The following LDHAL6A variants were observed in gnomAD, a reference collection of about 807,000 sequenced individuals.
The protein encoded by LDHAL6A is L-lactate dehydrogenase A-like 6A.
In LDHAL6A, 19 loss-of-function variants were observed where a neutral mutation model predicts 28.2. The ratio of observed to expected loss-of-function variants is 0.67; its 90% CI spans 0.47 to 0.99. The LOEUF (loss-of-function observed/expected upper bound fraction) is 0.99, where lower values mean the gene tolerates loss of function less well. Among genes scored for constraint, LDHAL6A ranks in the 50% least tolerant of loss-of-function variants. The pLI is 0.00. For missense variants in LDHAL6A, 372 were observed against 398.6 expected (o/e 0.93, Z 0.57); for synonymous variants, 144 against 134.4 (o/e 1.07, Z -0.49).
At chr11:18,468,355 T>G (rs1414728058) in intron 3 of LDHAL6A, 1 of 151,902 alleles carries the variant, frequency 6.6e-6, no homozygotes, top group East Asian at 1.9e-4. Context: ...TTTTCTTTTT[T>G]TGAGATGGAG....
chr11:18,464,887 T>C (rs1169527531), intron 2 of LDHAL6A, among the ~76,000 whole-genome samples: 1 of 152,058 alleles, frequency 6.6e-6, no homozygotes, highest in African/African-American at 2.4e-5. Flanking sequence ...ACCACATCTA[T>C]CTCTAAATAT....
intron 1 of LDHAL6A, among the ~76,000 whole-genome samples, chr11:18,463,689 G>T (rs185699458): frequency 5.3e-5 from 8 of 152,270 alleles, no homozygotes; most frequent in Non-Finnish European, 7.4e-5. Flanking sequence ...ATTGAAAATC[G>T]GGGTGTTCAC....
Position 18,466,956 on chromosome 11 carries a change from T to C in LDHAL6A, c.418+1146T>C, listed in dbSNP as rs554995611. Among the ~76,000 whole-genome samples the C allele has an allele frequency of 3.9e-5, 6 of 152,278 alleles. No individual in the cohort carries two copies. In the South Asian group the frequency reaches 1.2e-3, roughly 32 times the overall value. On this transcript the variant is annotated intron_variant, in intron 3 of 6. Coordinates refer to ENST00000280706, the MANE Select transcript of LDHAL6A (RefSeq NM_144972.5). ...TTCGAGAGTTTTTCCTTTGAGTAACTGAAGGGATGGTAGTTCCATTTAACT... is the reference window on the plus strand; with the variant it reads ...TTCGAGAGTTTTTCCTTTGAGTAACCGAAGGGATGGTAGTTCCATTTAACT...
intron 1 of LDHAL6A, among the ~76,000 whole-genome samples, chr11:18,461,354 A>T (rs1467744962): frequency 3.4e-5 from 5 of 146,022 alleles, no homozygotes; most frequent in Non-Finnish European, 6.0e-5. Flanking sequence ...CATATTGGCC[A>T]GGTTGGTCTC....
At position 18,478,995 on chromosome 11, in the gene LDHAL6A, A is replaced by G; in HGVS notation, c.*125A>G. On this transcript the variant is annotated 3_prime_UTR_variant, in exon 7 of 7. Coordinates refer to ENST00000280706, the MANE Select transcript of LDHAL6A (RefSeq NM_144972.5). ...AAATAGAGGAAAGAGTGACCTATTT[A>G]GTATAGCCTTCCAGCTTTTTTTTTT... The G allele has an allele frequency of 1.3e-6, 1 of 797,252 alleles. No individual in the cohort carries two copies. The highest frequency in any genetic ancestry group is 1.8e-5 in the South Asian group (1 of 55,886). The allele number at this position is 797,252 out of a possible 1,614,324, so 49.4% of individuals were successfully genotyped here. A position where few individuals can be genotyped will look rare whatever the true frequency, so the allele number is the denominator to read the frequency against.
At chr11:18,467,953 ATACG>A (rs1425739310) in intron 3 of LDHAL6A, among the ~76,000 whole-genome samples, 39 of 50,718 alleles carry the variant, frequency 7.7e-4, no homozygotes, top group South Asian at 3.4e-3. Flanking sequence ...ACATATATAT[ATACG>A]TATATATATA....
intron 6 of LDHAL6A, among the ~76,000 whole-genome samples, chr11:18,478,350 A>G (rs979604021): frequency 6.6e-6 from 1 of 152,100 alleles, no homozygotes; most frequent in Non-Finnish European, 1.5e-5. Flanking sequence ...GCCTATATGG[A>G]GAGATGGTGG....
At chr11:18,470,931 C>T (rs564521349) in intron 3 of LDHAL6A, among the ~76,000 whole-genome samples, 1 of 152,284 alleles carries the variant, frequency 6.6e-6, no homozygotes, top group Admixed American at 6.5e-5. Flanking sequence ...AAGAGATCCG[C>T]TCACTTCAGC....
At chr11:18,464,839 G>C (rs574104626) in intron 2 of LDHAL6A, among the ~76,000 whole-genome samples, 1 of 151,916 alleles carries the variant, frequency 6.6e-6, no homozygotes, top group Non-Finnish European at 1.5e-5. Flanking sequence ...TTGAACAAAC[G>C]AATGAACCAA....
intron 3 of LDHAL6A, chr11:18,469,328 T>C (rs1473530727): frequency 6.9e-6 from 3 of 436,938 alleles, no homozygotes; most frequent in Non-Finnish European, 1.2e-5. Flanking sequence ...ATTAAGGTTA[T>C]ATGATAACAA....
rs757280183 is a variant in LDHAL6A, at chr11:18,475,655, G to T, written c.592+16G>T. On this transcript the variant is annotated intron_variant, in intron 4 of 6. Coordinates refer to ENST00000280706, the MANE Select transcript of LDHAL6A (RefSeq NM_144972.5). ...GACTCAAGTGGTAAGCCTGAGGCAC[G>T]ATTGAGCCTCTGAAATATCTATTTC... The T allele has an allele frequency of 2.8e-5, 45 of 1,598,448 alleles. No homozygotes were observed. The highest frequency in any genetic ancestry group is 3.8e-5 in the Non-Finnish European group (44 of 1,172,086).
chr11:18,461,642 AG>A lies in LDHAL6A; in HGVS notation c.127-2318del, dbSNP rs370164688. 1.1e-3 allele frequency among the ~76,000 whole-genome samples: 161 copies of A among 151,660 alleles called. 1 individual carries two copies. The highest frequency in any genetic ancestry group is 3.6e-3 in the African/African-American group (149 of 41,406). ...ATGGCAGGCAAATCATGAGGTTAGGAGTTTGAGACCAGCCTGGCCAACATGG... is the reference window on the plus strand; with the variant it reads ...ATGGCAGGCAAATCATGAGGTTAGGATTTGAGACCAGCCTGGCCAACATGG... On this transcript the variant is annotated intron_variant, in intron 1 of 6. Coordinates refer to ENST00000280706, the MANE Select transcript of LDHAL6A (RefSeq NM_144972.5).
At chr11:18,470,163 G>T (rs1849223537) in intron 3 of LDHAL6A, among the ~76,000 whole-genome samples, 2 of 152,232 alleles carry the variant, frequency 1.3e-5, no homozygotes, top group Non-Finnish European at 1.5e-5. Flanking sequence ...GGCATCAAAT[G>T]ATCTGCCTGC....
chr11:18,477,292 C>CTACTAAAAA (rs1411543780), intron 5 of LDHAL6A, among the ~76,000 whole-genome samples: 1 of 152,032 alleles, frequency 6.6e-6, no homozygotes, highest in African/African-American at 2.4e-5. Context: ...AAACCCGTCT[C>CTACTAAAAA]TACTAAAAAT....
In LDHAL6A at chr11:18,463,974, A is replaced by G; in HGVS notation, c.140A>G (p.Glu47Gly). 6.2e-7 allele frequency: 1 copy of G among 1,612,350 alleles called. No individual in the cohort carries two copies. Among genetic ancestry groups the G allele is most frequent in the Non-Finnish European group, 8.5e-7 (1 of 1,178,536 alleles). The change falls in exon 2 of 7, where the codon GAA becomes GGA. Residue 47 changes from glutamate (E) to glycine (G), a missense_variant. Physicochemically the swap from Glu to Gly is moderately conservative, Grantham distance 98. Around this residue, in one of 3 missense-constraint regions of LDHAL6A, gnomAD observed 77 missense variants for 77.9 expected, o/e 0.99. Coordinates refer to ENST00000280706, the MANE Select transcript of LDHAL6A (RefSeq NM_144972.5). ...ISILLKGLSD[E>G]LVLVDVDEGK... ...AATGTTTTTCAGGGTTTGAGTGATG[A>G]ACTTGTCCTTGTGGATGTTGATGAA...
rs1848747205 is a variant in LDHAL6A at position 18,456,157 on chromosome 11, C to T, written c.-524C>T. Reference sequence around the variant, plus strand: ...GCGCCGCGGGAGCGAATTGTTTTTGCCCAAGGATGGTTCTGTGTCTCCGCC... The same window carrying T: ...GCGCCGCGGGAGCGAATTGTTTTTGTCCAAGGATGGTTCTGTGTCTCCGCC... On this transcript the variant is annotated 5_prime_UTR_variant, in exon 1 of 7. Coordinates refer to ENST00000280706, the MANE Select transcript of LDHAL6A (RefSeq NM_144972.5). 2 of 156,384 alleles carry T rather than the reference C, an allele frequency of 1.3e-5. No homozygotes were observed. Among genetic ancestry groups the T allele is most frequent in the South Asian group, 1.9e-4 (1 of 5,162 alleles). 9.7% of individuals were successfully genotyped at this position (156,384 alleles called of 1,614,324 possible).
At chr11:18,476,021 AAG>A (rs1849372014) in intron 4 of LDHAL6A, among the ~76,000 whole-genome samples, 1 of 152,152 alleles carries the variant, frequency 6.6e-6, no homozygotes, top group South Asian at 2.1e-4. Context: ...AAGGAAGAGA[AAG>A]AGTGCTGTGG....
chr11:18,459,065 TA>T (rs1848829821), intron 1 of LDHAL6A, among the ~76,000 whole-genome samples: 1 of 152,168 alleles, frequency 6.6e-6, no homozygotes, highest in African/African-American at 2.4e-5. Context: ...TACACCTTAG[TA>T]TGGTGTGGTG....
At chr11:18,464,566 T>G (rs1247116178) in intron 2 of LDHAL6A, among the ~76,000 whole-genome samples, 1 of 152,016 alleles carries the variant, frequency 6.6e-6, no homozygotes, top group Non-Finnish European at 1.5e-5. Context: ...AACATAAAAA[T>G]TAGCCGGGCG....
Sources: gnomAD v4.1 joint callset for allele counts (sites outside exome capture counted in the v4.1 genomes callset) on GRCh38, gnomAD v4.1.1 for gene constraint, gnomAD v4.1.1 regional missense constraint, MANE v1.5 for transcripts, NCBI Gene and HGNC (gene_info 2026-07-23, HGNC 2026-07-21) for gene names.